Variants in WDPCP observed in about 807,000 individuals in gnomAD.
WDPCP encodes the protein WD repeat containing planar cell polarity effector, also known as WD repeat-containing and planar cell polarity effector protein fritz homolog.
A neutral mutation model predicts 93.1 loss-of-function variants in WDPCP; 71 were observed. The ratio of observed to expected loss-of-function variants is 0.76; its 90% CI spans 0.63 to 0.93. WDPCP has a LOEUF of 0.93. WDPCP is among the 40% of genes least tolerant of loss of function. WDPCP has a pLI of 0.00. For missense variants in WDPCP, 844 were observed against 887.4 expected (o/e 0.95, Z 0.62); for synonymous variants, 315 against 315.0 (o/e 1.00, Z 0.00).
At chr2:63,805,736 T>C (rs1048979061) in intron 2 of WDPCP, among the ~76,000 whole-genome samples, 5 of 152,166 alleles carry the variant, frequency 3.3e-5, no homozygotes, top group African/African-American at 1.2e-4. Flanking sequence ...TCAAAATAAT[T>C]TGAGAGCAGT....
At chr2:63,251,969 C>G (rs1255502184) in intron 14 of WDPCP, among the ~76,000 whole-genome samples, 2 of 151,850 alleles carry the variant, frequency 1.3e-5, no homozygotes, top group Non-Finnish European at 2.9e-5. Context: ...CAAAACCTGG[C>G]AAAGACACAA....
At chr2:63,388,912 T>C (rs1287078182) in intron 10 of WDPCP, among the ~76,000 whole-genome samples, 1 of 152,098 alleles carries the variant, frequency 6.6e-6, no homozygotes, top group Middle Eastern at 3.2e-3. Context: ...AAAGACCAAA[T>C]CTAGGTTTGA....
chr2:63,486,376 G>T (rs575158098), intron 4 of WDPCP, among the ~76,000 whole-genome samples, 166 bp downstream of exon 4: 1 of 151,748 alleles, frequency 6.6e-6, no homozygotes, highest in African/African-American at 2.4e-5. Flanking sequence ...ATCTAAATTA[G>T]AAAGGCCTGA....
intron 2 of WDPCP, among the ~76,000 whole-genome samples, chr2:63,792,756 T>C (rs576248339): frequency 6.6e-6 from 1 of 152,300 alleles, no homozygotes; most frequent in African/African-American, 2.4e-5. Flanking sequence ...TTTCTCATCA[T>C]GGCCCTTGTG....
intron 1 of WDPCP, among the ~76,000 whole-genome samples, chr2:63,573,371 G>T (rs1707682950): frequency 6.6e-6 from 1 of 152,222 alleles, no homozygotes; most frequent in Non-Finnish European, 1.5e-5. Context: ...GAAGAATGTG[G>T]ATTGTGAAGA....
chr2:63,187,213 A>ATAT lies in WDPCP; in HGVS notation c.1916-12384_1916-12382dup, dbSNP rs777466046. On this transcript the variant is annotated intron_variant, in intron 14 of 17. Transcript: ENST00000272321. ...GTCTTTTGGTTATTGTCTGCATAGC[A>ATAT]TATCTTTTTTCATCCTTCAAGTTCA... is the stretch of plus-strand genomic sequence containing the variant. 3.3e-4 allele frequency among the ~76,000 whole-genome samples: 50 copies of ATAT among 152,264 alleles called. 1 individual carries two copies. The highest frequency in any genetic ancestry group is 3.4e-3 in the Middle Eastern group (1 of 294).
In WDPCP at chr2:63,720,924, G is replaced by C. The variant is rs1669405613; in HGVS notation, n.309-70086C>G. Among the ~76,000 whole-genome samples, 3 of 152,334 alleles carry C rather than the reference G, an allele frequency of 2.0e-5. No individual in the cohort carries two copies. The South Asian group carries it at 6.2e-4, about 32-fold the overall frequency. Reference sequence around the variant, plus strand: ...AAGTTCCCCCAGTCAGAAACAGCTAGCAGTTCTCTGAGTATGCTGCCATAC... The same window carrying C: ...AAGTTCCCCCAGTCAGAAACAGCTACCAGTTCTCTGAGTATGCTGCCATAC... On this transcript the variant is annotated intron_variant and non_coding_transcript_variant, in intron 2 of 4. Coordinates refer to the WDPCP transcript ENST00000467687.
chr2:63,698,358 A>G (rs1668992000), intron 2 of WDPCP, among the ~76,000 whole-genome samples: 2 of 152,230 alleles, frequency 1.3e-5, no homozygotes, highest in Admixed American at 1.3e-4. Flanking sequence ...GAAAGCTTTC[A>G]AAGGACATTC....
At chr2:63,780,052 C>T (rs1670364473) in intron 2 of WDPCP, among the ~76,000 whole-genome samples, 2 of 152,182 alleles carry the variant, frequency 1.3e-5, no homozygotes, top group Non-Finnish European at 2.9e-5. Context: ...CAGGTTTTTC[C>T]TAGTCTTTCC....
the WDPCP span, among the ~76,000 whole-genome samples, chr2:63,838,228 C>G: frequency 6.6e-6 from 1 of 152,112 alleles, no homozygotes; most frequent in Non-Finnish European, 1.5e-5. Flanking sequence ...AGCATTAAAT[C>G]TAAAAAGGCA....
At chr2:63,407,292 G>A (rs1694664956) in intron 9 of WDPCP, among the ~76,000 whole-genome samples, 1 of 152,140 alleles carries the variant, frequency 6.6e-6, no homozygotes, top group African/African-American at 2.4e-5. Flanking sequence ...GACTAATATA[G>A]CTAGAGAAGG....
intron 2 of WDPCP, among the ~76,000 whole-genome samples, chr2:63,706,878 A>T (rs1669164456): frequency 6.6e-6 from 1 of 151,846 alleles, no homozygotes; most frequent in Non-Finnish European, 1.5e-5. Flanking sequence ...GGCCTCCCAA[A>T]GTGCTGGGAT....
chr2:63,544,735 G>A (rs1705008218), intron 1 of WDPCP, among the ~76,000 whole-genome samples: 1 of 152,074 alleles, frequency 6.6e-6, no homozygotes, highest in African/African-American at 2.4e-5. Context: ...ATAAGGAAAG[G>A]TATGCTACTA....
intron 6 of WDPCP, among the ~76,000 whole-genome samples, chr2:63,452,180 T>C (rs1698295434): frequency 6.6e-6 from 1 of 152,224 alleles, no homozygotes; most frequent in South Asian, 2.1e-4. Flanking sequence ...CATGATTGTA[T>C]ATCTAGAAAA....
chr2:63,152,523 C>CG (rs1671956740), intron 17 of WDPCP, among the ~76,000 whole-genome samples: 1 of 152,140 alleles, frequency 6.6e-6, no homozygotes, highest in East Asian at 1.9e-4. Context: ...CCACCTGCCT[C>CG]GGCCTGCCAA....
chr2:63,354,714 A>G (rs112927720), intron 12 of WDPCP, among the ~76,000 whole-genome samples: 162 of 149,952 alleles, frequency 1.1e-3, no homozygotes, highest in South Asian at 1.7e-3. Context: ...GTATATATGT[A>G]TGTGTGTGTG....
At chr2:63,506,686 A>T (rs1558727706) in intron 1 of WDPCP, among the ~76,000 whole-genome samples, 1 of 152,028 alleles carries the variant, frequency 6.6e-6, no homozygotes, top group Non-Finnish European at 1.5e-5. Flanking sequence ...AAAACAAGAG[A>T]ACTGTTTGAA....
rs565454979 is a variant in WDPCP at position 63,550,560 on chromosome 2, TTCTG to T, written c.75+37633_75+37636del. Among the ~76,000 whole-genome samples, 110 of 152,062 alleles carry T rather than the reference TTCTG, an allele frequency of 7.2e-4. 1 individual carries two copies. Among genetic ancestry groups the T allele is most frequent in the African/African-American group, 2.5e-3 (105 of 41,446 alleles). ...TTTTCCTTAAGTACCATTTTTCTGT[TTCTG>T]TCTAATATTCCTCAAAATTCTGTCT... is the stretch of plus-strand genomic sequence containing the variant. On this transcript the variant is annotated intron_variant, in intron 1 of 17. Transcript: ENST00000272321.
In WDPCP at chr2:63,302,602, G is replaced by T. The variant is rs547605053; in HGVS notation, c.1812+10646C>A. ...AGGGTAAAAATTTCTTACCAGTTGG[G>T]CTTTTGGCTTCTCTCTCCCTGTGCA... On this transcript the variant is annotated intron_variant, in intron 13 of 17. Transcript: ENST00000272321. 3.9e-5 allele frequency among the ~76,000 whole-genome samples: 6 copies of T among 152,304 alleles called. No individual in the cohort carries two copies. The South Asian group carries it at 1.0e-3, about 26-fold the overall frequency.
Sources: gnomAD v4.1 joint callset for allele counts (sites outside exome capture counted in the v4.1 genomes callset) on GRCh38, gnomAD v4.1.1 for gene constraint, MANE v1.5 for transcripts, NCBI Gene and HGNC (gene_info 2026-07-23, HGNC 2026-07-21) for gene names.